The following UEVLD variants were observed in gnomAD, a reference collection of about 807,000 sequenced individuals.
UEVLD encodes UEV and lactate/malate dehyrogenase domains.
A neutral mutation model predicts 58.6 loss-of-function variants in UEVLD; 47 were observed. The observed-to-expected ratio is 0.80, with a 90% CI of 0.63 to 1.02. The LOEUF (loss-of-function observed/expected upper bound fraction) is 1.02, where lower values mean the gene tolerates loss of function less well. UEVLD is among the 50% of genes least tolerant of loss of function. The probability of loss-of-function intolerance (pLI) is 0.00; values close to 1 mark genes in which losing one functional copy is unlikely to be tolerated. For missense variants in UEVLD, 510 were observed against 550.6 expected (o/e 0.93, Z 0.74); for synonymous variants, 197 against 195.3 (o/e 1.01, Z -0.07).
Position 18,530,235 on chromosome 11 carries a change from A to G in UEVLD, c.*2085T>C, listed in dbSNP as rs1455132301. ...TCATAAAAAAGGACAGTAAGAATAC[A>G]TTGTTAGAGTAACATGAACTAATTC... On this transcript the variant is annotated 3_prime_UTR_variant, in exon 12 of 12. Transcript: ENST00000396197. 6.6e-6 allele frequency: 1 copy of G among 152,238 alleles called. No individual in the cohort carries two copies. The highest frequency in any genetic ancestry group is 2.1e-4 in the South Asian group (1 of 4,836). The allele number at this position is 152,238 out of a possible 1,614,324, so 9.4% of individuals were successfully genotyped here. A position where few individuals can be genotyped will look rare whatever the true frequency, so the allele number is the denominator to read the frequency against.
intron 6 of UEVLD, among the ~76,000 whole-genome samples, chr11:18,559,847 A>T (rs984208039): frequency 3.9e-5 from 6 of 152,126 alleles, no homozygotes; most frequent in Admixed American, 6.6e-5. Flanking sequence ...GTTTACCTTT[A>T]TGGAAGGTCT....
chr11:18,564,005 A>G (rs1852169567), intron 6 of UEVLD: 1 of 109,704 alleles, frequency 9.1e-6, no homozygotes, highest in African/African-American at 4.4e-5. Flanking sequence ...ACTCCACCTA[A>G]AAAAAAAAAA....
intron 9 of UEVLD, among the ~76,000 whole-genome samples, chr11:18,542,136 A>G (rs370551584): frequency 2.6e-5 from 4 of 151,916 alleles, no homozygotes; most frequent in Non-Finnish European, 4.4e-5. Context: ...GGAAGATTGA[A>G]TTAATATGTG....
chr11:18,567,349 G>C (rs1371713577), intron 4 of UEVLD, among the ~76,000 whole-genome samples: 2 of 152,188 alleles, frequency 1.3e-5, no homozygotes, highest in East Asian at 3.8e-4. Context: ...TACGCCGTGA[G>C]TGTAAAACAG....
intron 1 of UEVLD, among the ~76,000 whole-genome samples, chr11:18,584,505 T>C (rs1853436283): frequency 1.3e-5 from 2 of 152,252 alleles, no homozygotes. Flanking sequence ...AATCTACACA[T>C]ACATTGTCCA....
rs1850665857 is a variant in UEVLD at position 18,533,587 on chromosome 11, AGAT to A, written c.1248+740_1248+742del. ...AAATCTGGGGTGACTTGGCTGGCTG[AGAT>A]GATAAATGACAGTAAGAAGAAATTT... On this transcript the variant is annotated intron_variant, in intron 11 of 11. Coordinates refer to ENST00000396197, the MANE Select transcript of UEVLD (RefSeq NM_001040697.4). 2.0e-5 allele frequency among the ~76,000 whole-genome samples: 3 copies of A among 152,208 alleles called. No homozygotes were observed. The South Asian group carries it at 6.2e-4, about 32-fold the overall frequency.
intron 7 of UEVLD, among the ~76,000 whole-genome samples, chr11:18,547,626 T>C (rs1851357724): frequency 2.0e-5 from 3 of 152,332 alleles, no homozygotes. Flanking sequence ...GAGTTTTTTA[T>C]ATAAATTACA....
chr11:18,577,200 A>G (rs1852962534), intron 2 of UEVLD, among the ~76,000 whole-genome samples: 1 of 152,294 alleles, frequency 6.6e-6, no homozygotes, highest in South Asian at 2.1e-4. Flanking sequence ...CCAACCAACC[A>G]ACCAACCTCC....
chr11:18,546,917 A>G lies in UEVLD; in HGVS notation c.849T>C (p.Tyr283=). 2.5e-6 allele frequency: 4 copies of G among 1,613,958 alleles called. No homozygotes were observed. Among genetic ancestry groups the G allele is most frequent in the Non-Finnish European group, 3.4e-6 (4 of 1,179,998 alleles). The change falls in exon 8 of 12, where the codon TAT becomes TAC. Residue 283 remains tyrosine, a synonymous_variant. Coordinates refer to ENST00000396197, the MANE Select transcript of UEVLD (RefSeq NM_001040697.4). ...CAACGAGCAGGACACTGTGTTGACT[A>G]TAATGTCCCAGAGCTGGGACAAGGG... ...FRALVPALGH[Y]SQHSVLLVAS...
intron 1 of UEVLD, among the ~76,000 whole-genome samples, chr11:18,579,832 T>A (rs1035572553): frequency 6.6e-6 from 1 of 152,104 alleles, no homozygotes; most frequent in Non-Finnish European, 1.5e-5. Context: ...TTTACAATGG[T>A]ATCAAAAAGA....
intron 4 of UEVLD, among the ~76,000 whole-genome samples, chr11:18,567,282 A>G (rs922533184): frequency 1.3e-5 from 2 of 152,236 alleles, no homozygotes; most frequent in African/African-American, 4.8e-5. Flanking sequence ...ATACAAAGTG[A>G]ATAATAAATC....
intron 7 of UEVLD, among the ~76,000 whole-genome samples, chr11:18,557,625 A>G (rs1038690538): frequency 1.3e-5 from 2 of 148,396 alleles, no homozygotes; most frequent in African/African-American, 5.0e-5. Flanking sequence ...ATTCACAGTC[A>G]CAATCCTAGT....
At chr11:18,554,546 G>A (rs1037125279) in intron 7 of UEVLD, among the ~76,000 whole-genome samples, 3 of 151,564 alleles carry the variant, frequency 2.0e-5, no homozygotes, top group African/African-American at 7.3e-5. Context: ...ACAAGAACCC[G>A]CCAGCATGCC....
intron 11 of UEVLD, among the ~76,000 whole-genome samples, chr11:18,532,785 G>T (rs1850622538): frequency 6.6e-6 from 1 of 152,064 alleles, no homozygotes; most frequent in Admixed American, 6.6e-5. Context: ...GAGGTTGGGG[G>T]CTAAGAAAAA....
chr11:18,582,124 T>C (rs1853271064), intron 1 of UEVLD, among the ~76,000 whole-genome samples: 1 of 152,166 alleles, frequency 6.6e-6, no homozygotes, highest in Non-Finnish European at 1.5e-5. Context: ...TATCAACAAA[T>C]ATAATTTGTT....
intron 5 of UEVLD, among the ~76,000 whole-genome samples, chr11:18,565,734 G>A (rs879591682): frequency 2.0e-5 from 3 of 151,828 alleles, no homozygotes; most frequent in East Asian, 1.9e-4. Flanking sequence ...CAGGGGAATC[G>A]CTTGAACCCA....
intron 2 of UEVLD, among the ~76,000 whole-genome samples, chr11:18,576,165 A>C (rs1341815102): frequency 6.6e-6 from 1 of 152,228 alleles, no homozygotes; most frequent in East Asian, 1.9e-4. Flanking sequence ...GTTTAAAACA[A>C]AGACAATAAC....
intron 4 of UEVLD, among the ~76,000 whole-genome samples, chr11:18,568,659 C>T (rs1852417396): frequency 6.6e-6 from 1 of 152,142 alleles, no homozygotes; most frequent in African/African-American, 2.4e-5. Context: ...ACTCCTACTA[C>T]TGATAATCCG....
intron 7 of UEVLD, among the ~76,000 whole-genome samples, chr11:18,557,237 C>T (rs1339699233): frequency 2.0e-5 from 3 of 152,074 alleles, no homozygotes; most frequent in South Asian, 4.2e-4. Flanking sequence ...CTGCAAACTC[C>T]GCATCCCGGG....
Sources: gnomAD v4.1 joint callset for allele counts (sites outside exome capture counted in the v4.1 genomes callset) on GRCh38, gnomAD v4.1.1 for gene constraint, MANE v1.5 for transcripts, NCBI Gene and HGNC (gene_info 2026-07-23, HGNC 2026-07-21) for gene names.